Variants in EFCAB9 observed in about 807,000 individuals in gnomAD.
The protein encoded by EFCAB9 is EF-hand calcium-binding domain-containing protein 9.
Under a neutral mutation model 15.6 loss-of-function variants are expected in EFCAB9, and 16 were observed. That is an observed-to-expected ratio of 1.03 (90% confidence interval 0.69 to 1.56). The LOEUF (loss-of-function observed/expected upper bound fraction) is 1.56, where lower values mean the gene tolerates loss of function less well. EFCAB9 is among the 40% of genes most tolerant of loss of function. The probability of loss-of-function intolerance (pLI) is 0.00; values close to 1 mark genes in which losing one functional copy is unlikely to be tolerated. For synonymous variants in EFCAB9, 76 were observed against 85.4 expected (o/e 0.89, Z 0.61); for missense variants, 208 against 235.4 (o/e 0.88, Z 0.76).
At chr5:172,200,819 A>G in intron 3 of EFCAB9, 77 bp downstream of exon 3, 2 of 1,378,198 alleles carry the variant, frequency 1.5e-6, no homozygotes, top group South Asian at 2.9e-5. Context: ...TACTACATAT[A>G]GGAGAGATGG....
At chr5:172,202,158 G>A (rs1771264454) in intron 3 of EFCAB9, among the ~76,000 whole-genome samples, 1 of 151,854 alleles carries the variant, frequency 6.6e-6, no homozygotes, top group Non-Finnish European at 1.5e-5. Context: ...GGCTAACACG[G>A]TGAAACCCCA....
chr5:172,203,194 C>T lies in EFCAB9; in HGVS notation c.463-20C>T, dbSNP rs79429815. On this transcript the variant is annotated intron_variant, in intron 3 of 3. Coordinates refer to ENST00000398186, the MANE Select transcript of EFCAB9 (RefSeq NM_001171183.2). Reference sequence around the variant, plus strand: ...GTTTTTCCTGAAATAATTTTTCTTTCCCCCCCACCCTAACCAAAGCGTCTT... The same window carrying T: ...GTTTTTCCTGAAATAATTTTTCTTTTCCCCCCACCCTAACCAAAGCGTCTT... 76 of 1,317,772 alleles carry T rather than the reference C, an allele frequency of 5.8e-5. No individual in the cohort carries two copies. Among genetic ancestry groups the T allele is most frequent in the African/African-American group, 2.7e-4 (8 of 29,856 alleles). The allele number at this position is 1,317,772 out of a possible 1,614,324, so 81.6% of individuals were successfully genotyped here. A position where few individuals can be genotyped will look rare whatever the true frequency, so the allele number is the denominator to read the frequency against.
At chr5:172,200,423 C>T (rs1300373034) in intron 2 of EFCAB9, 143 bp from the exon 3 acceptor site, 1 of 765,436 alleles carries the variant, frequency 1.3e-6, no homozygotes, top group African/African-American at 1.8e-5. Flanking sequence ...CTGATAGAAC[C>T]CTTTCAGCCC....
chr5:172,198,522 G>A (rs902034535), intron 1 of EFCAB9, among the ~76,000 whole-genome samples: 13 of 152,134 alleles, frequency 8.5e-5, no homozygotes, highest in Non-Finnish European at 1.5e-4. Flanking sequence ...CACATAAGGT[G>A]GTAAATAAGG....
In EFCAB9 at chr5:172,203,372, A is replaced by C. The variant is rs1193025913; in HGVS notation, c.*27A>C. ...TACAAGCTGAAAGAGTCTTGGAAAA[A>C]AATGGGATCTGAAAGTACAGAACAT... On this transcript the variant is annotated 3_prime_UTR_variant, in exon 4 of 4. Coordinates refer to ENST00000398186, the MANE Select transcript of EFCAB9 (RefSeq NM_001171183.2). 6.6e-7 allele frequency: 1 copy of C among 1,520,436 alleles called. No individual in the cohort carries two copies. Among genetic ancestry groups the C allele is most frequent in the Non-Finnish European group, 8.8e-7 (1 of 1,142,336 alleles). 94.2% of individuals were successfully genotyped at this position (1,520,436 alleles called of 1,614,324 possible).
At chr5:172,198,544 C>T (rs542930777) in intron 1 of EFCAB9, among the ~76,000 whole-genome samples, 1 of 152,292 alleles carries the variant, frequency 6.6e-6, no homozygotes, top group Non-Finnish European at 1.5e-5. Flanking sequence ...TTGGTCCCTT[C>T]CCCCTACAGC....
At chr5:172,200,482 G>A in intron 2 of EFCAB9, 84 bp from the exon 3 acceptor site, 1 of 1,351,858 alleles carries the variant, frequency 7.4e-7, no homozygotes. Context: ...GGAAGGGGCT[G>A]GTGAAGATAT....
intron 1 of EFCAB9, 55 bp downstream of exon 1, chr5:172,194,363 T>C (rs1771121094): frequency 2.7e-6 from 4 of 1,506,028 alleles, no homozygotes; most frequent in Non-Finnish European, 2.6e-6. Flanking sequence ...TTAGCTAATG[T>C]GTAAGAAAAC....
At chr5:172,195,181 T>TAAAA (rs1554125605) in intron 1 of EFCAB9, among the ~76,000 whole-genome samples, 2 of 129,674 alleles carry the variant, frequency 1.5e-5, no homozygotes, top group African/African-American at 2.8e-5. Context: ...AATAAATAAA[T>TAAAA]AAAAATAAAT....
At chr5:172,197,405 C>T (rs1402200730) in intron 1 of EFCAB9, among the ~76,000 whole-genome samples, 4 of 152,148 alleles carry the variant, frequency 2.6e-5, no homozygotes, top group African/African-American at 7.2e-5. Flanking sequence ...CCGCGCCCAA[C>T]GTGAGGCACA....
Position 172,196,760 on chromosome 5 carries a change from G to A in EFCAB9, c.136+2452G>A, listed in dbSNP as rs375089981. ...ATGTAGATAAACGTAAAAATCCCTT[G>A]TTACTGTAATTTGTACATACAACTG... On this transcript the variant is annotated intron_variant, in intron 1 of 3. Transcript: ENST00000398186. 5.3e-5 allele frequency among the ~76,000 whole-genome samples: 8 copies of A among 152,232 alleles called. No homozygotes were observed. In the East Asian group the frequency reaches 1.5e-3, roughly 29 times the overall value.
chr5:172,203,202 CCCTAA>C lies in EFCAB9; in HGVS notation c.463-9_463-5del, dbSNP rs1771287162. The C allele has an allele frequency of 2.0e-6, 2 of 1,020,280 alleles. No homozygotes were observed. Among genetic ancestry groups the C allele is most frequent in the Non-Finnish European group, 2.3e-6 (2 of 861,404 alleles). 63.2% of individuals were successfully genotyped at this position (1,020,280 alleles called of 1,614,324 possible). A position where few individuals can be genotyped will look rare whatever the true frequency, so the allele number is the denominator to read the frequency against. On this transcript the variant is annotated splice_polypyrimidine_tract_variant and splice_region_variant and intron_variant, in intron 3 of 3. Coordinates refer to ENST00000398186, the MANE Select transcript of EFCAB9 (RefSeq NM_001171183.2). The stretch of plus-strand genomic sequence containing the variant: ...TGAAATAATTTTTCTTTCCCCCCCA[CCCTAA>C]CCAAAGCGTCTTAATTATCAGGAAT...
intron 1 of EFCAB9, among the ~76,000 whole-genome samples, chr5:172,196,827 G>T (rs1167482680): frequency 6.6e-6 from 1 of 151,512 alleles, no homozygotes; most frequent in Admixed American, 6.6e-5. Flanking sequence ...TGCCATGCTT[G>T]TTTTTTTCAT....
At chr5:172,195,088 T>C (rs1190973278) in intron 1 of EFCAB9, among the ~76,000 whole-genome samples, 1 of 151,962 alleles carries the variant, frequency 6.6e-6, no homozygotes, top group East Asian at 1.9e-4. Flanking sequence ...TTATCTGTCA[T>C]GTGGGAAGTT....
chr5:172,199,354 C>T, intron 1 of EFCAB9, 29 bp from the exon 2 acceptor site: 1 of 1,535,188 alleles, frequency 6.5e-7, no homozygotes, highest in Non-Finnish European at 8.7e-7. Context: ...ATCCAAATAA[C>T]ACATCTCCTC....
At chr5:172,201,968 T>G (rs1358079285) in intron 3 of EFCAB9, among the ~76,000 whole-genome samples, 2 of 152,142 alleles carry the variant, frequency 1.3e-5, no homozygotes, top group Non-Finnish European at 2.9e-5. Flanking sequence ...TGAACAACCT[T>G]AGATGCCAGC....
chr5:172,197,396 C>T (rs1308077147), intron 1 of EFCAB9, among the ~76,000 whole-genome samples: 3 of 152,114 alleles, frequency 2.0e-5, no homozygotes, highest in Non-Finnish European at 4.4e-5. Flanking sequence ...CATGAGCCAC[C>T]GCGCCCAACG....
intron 2 of EFCAB9, 23 bp downstream of exon 2, chr5:172,199,554 C>T (rs1490005540): frequency 2.0e-6 from 3 of 1,535,752 alleles, no homozygotes; most frequent in Non-Finnish European, 2.6e-6. Context: ...GCGGCTGCTG[C>T]CATCCTCTTG....
chr5:172,194,514 C>G (rs1388002365), intron 1 of EFCAB9, among the ~76,000 whole-genome samples: 1 of 152,108 alleles, frequency 6.6e-6, no homozygotes, highest in Non-Finnish European at 1.5e-5. Flanking sequence ...ATTCTCCTGC[C>G]TCAGCCTCCT....
Sources: allele counts gnomAD v4.1 joint callset (sites outside exome capture counted in the v4.1 genomes callset), GRCh38; gene constraint gnomAD v4.1.1; transcripts MANE v1.5; gene names NCBI Gene and HGNC (gene_info 2026-07-23, HGNC 2026-07-21).